The following PDXDC1 variants were observed in gnomAD, a reference collection of about 807,000 sequenced individuals.
PDXDC1 encodes pyridoxal dependent decarboxylase domain containing 1, also known as pyridoxal-dependent decarboxylase domain-containing protein 1.
A neutral mutation model predicts 100.1 loss-of-function variants in PDXDC1; 42 were observed. The observed-to-expected ratio is 0.42, with a 90% CI of 0.33 to 0.54. PDXDC1 has a LOEUF of 0.54. Ranked by LOEUF, PDXDC1 falls within the 20% of genes least tolerant of loss-of-function variation. PDXDC1 has a pLI of 0.10. For synonymous variants in PDXDC1, 260 were observed against 371.7 expected, an observed-to-expected ratio of 0.70 and a Z score of 3.46; for missense variants, 636 against 979.2, an observed-to-expected ratio of 0.65 and a Z score of 4.68.
At chr16:15,043,622 C>T (rs1193188881) in intron 16 of PDXDC1, among the ~76,000 whole-genome samples, 3 of 136,892 alleles carry the variant, frequency 2.2e-5, no homozygotes, top group Non-Finnish European at 4.9e-5. Context: ...AGTCAACACA[C>T]GACAATGTTT....
Position 14,975,051 on chromosome 16 carries a change from C to CCG in PDXDC1, c.-149_-148insCG. 4 of 1,502,114 alleles carry CCG rather than the reference C, an allele frequency of 2.7e-6. No homozygotes were observed. The East Asian group carries it at 1.0e-4, about 38-fold the overall frequency. 93.0% of individuals were successfully genotyped at this position (1,502,114 alleles called of 1,614,324 possible). ...CTCTCAACCATCAGGTTCGGCAGCC[C>CCG]GCGGCGCCGCCTGGCAGCTCCTCCT... On this transcript the variant is annotated 5_prime_UTR_variant, in exon 1 of 23. Coordinates refer to ENST00000396410, the MANE Select transcript of PDXDC1 (RefSeq NM_015027.4).
At chr16:14,984,559 G>A (rs113195031) in intron 1 of PDXDC1, among the ~76,000 whole-genome samples, 2 of 147,882 alleles carry the variant, frequency 1.4e-5, no homozygotes, top group Non-Finnish European at 3.0e-5. Flanking sequence ...GTGCAATGGC[G>A]CCATCTCGGT....
At chr16:15,047,378 G>A in intron 16 of PDXDC1, 3 of 1,071,570 alleles carry the variant, frequency 2.8e-6, no homozygotes, top group Middle Eastern at 2.0e-4. Flanking sequence ...AGCTTCCACA[G>A]CCACGTCCTG....
intron 16 of PDXDC1, among the ~76,000 whole-genome samples, chr16:15,058,292 CA>C (rs201277951): frequency 4.2e-5 from 6 of 144,530 alleles, no homozygotes; most frequent in Non-Finnish European, 6.1e-5. Context: ...AAGACCGTCT[CA>C]AAAAAAAAAG....
At chr16:15,070,559 A>G (rs1392403357) in intron 16 of PDXDC1, among the ~76,000 whole-genome samples, 1 of 152,120 alleles carries the variant, frequency 6.6e-6, no homozygotes, top group Non-Finnish European at 1.5e-5. Flanking sequence ...TCTTAAGGTG[A>G]TTGGCCAAAC....
intron 16 of PDXDC1, chr16:15,076,483 C>G: frequency 1.0e-6 from 1 of 1,004,416 alleles, no homozygotes. Flanking sequence ...AAAGCCTTAA[C>G]AAAGATGAGC....
At chr16:15,128,867 G>A (rs1344883459) in intron 16 of PDXDC1, among the ~76,000 whole-genome samples, 8 of 148,932 alleles carry the variant, frequency 5.4e-5, no homozygotes, top group South Asian at 2.2e-4. Flanking sequence ...GTGCAGTGGC[G>A]CAATCTCAGC....
chr16:15,031,592 G>T, intron 16 of PDXDC1, 143 bp from the exon 17 acceptor site: 1 of 625,354 alleles, frequency 1.6e-6, no homozygotes. Flanking sequence ...TGTGTTGAGG[G>T]CCTTTTTTTG....
intron 16 of PDXDC1, chr16:15,047,443 T>C (rs1055516709): frequency 1.9e-6 from 3 of 1,585,658 alleles, no homozygotes; most frequent in South Asian, 2.2e-5. Flanking sequence ...AGATCTCACC[T>C]TCCACATTGA....
chr16:15,091,447 C>T, intron 16 of PDXDC1: 2 of 922,696 alleles, frequency 2.2e-6, no homozygotes, highest in African/African-American at 1.7e-5. Context: ...TTTAACCGTA[C>T]TTTAACATCA....
chr16:15,094,084 C>T (rs2046251995), intron 16 of PDXDC1: 1 of 1,453,540 alleles, frequency 6.9e-7, no homozygotes, highest in African/African-American at 1.4e-5. Context: ...CAATCCGCTC[C>T]TCTAAGCGCC....
At chr16:15,074,921 G>T (rs1597923315) in intron 16 of PDXDC1, 1 of 1,491,352 alleles carries the variant, frequency 6.7e-7, no homozygotes, top group Non-Finnish European at 9.1e-7. Flanking sequence ...TGGTTTAGTA[G>T]GAAAACTGTC....
intron 16 of PDXDC1, chr16:15,104,748 G>A (rs751923977): frequency 5.1e-5 from 81 of 1,596,846 alleles, no homozygotes; most frequent in Admixed American, 1.5e-4. Context: ...CTCCGCTGCC[G>A]CCATTCTGAC....
chr16:15,071,014 C>T, intron 16 of PDXDC1: 2 of 993,856 alleles, frequency 2.0e-6, no homozygotes, highest in Non-Finnish European at 3.0e-6. Flanking sequence ...ATTTTATTCA[C>T]TTTAAAAACA....
intron 16 of PDXDC1, among the ~76,000 whole-genome samples, chr16:15,132,371 A>G (rs1285822475): frequency 2.2e-4 from 2 of 9,112 alleles, no homozygotes; most frequent in Non-Finnish European, 2.9e-4. Flanking sequence ...GGGCAAGGGG[A>G]GGGAGGGGGA....
intron 16 of PDXDC1, among the ~76,000 whole-genome samples, chr16:15,075,313 TA>T (rs1268277642): frequency 4.7e-5 from 7 of 148,810 alleles, no homozygotes; most frequent in African/African-American, 1.7e-4. Context: ...GGCTCACGCC[TA>T]TAATTACCAA....
intron 8 of PDXDC1, among the ~76,000 whole-genome samples, chr16:15,013,874 C>A (rs1344155184): frequency 2.4e-4 from 33 of 135,948 alleles, no homozygotes; most frequent in East Asian, 1.6e-3. Context: ...GTCTCTGTCT[C>A]AAAAAAAAAA....
At chr16:15,044,314 GAA>G in intron 16 of PDXDC1, 4 of 1,434,718 alleles carry the variant, frequency 2.8e-6, no homozygotes, top group South Asian at 1.2e-5. Context: ...TTGGGGGAAA[GAA>G]AAAAAAAATG....
At chr16:15,022,975 A>G (rs573041847) in intron 13 of PDXDC1, among the ~76,000 whole-genome samples, 30 of 152,380 alleles carry the variant, frequency 2.0e-4, no homozygotes, top group Middle Eastern at 3.4e-3. Context: ...GAACCATACA[A>G]TGTTTAATTC....
Sources: allele counts gnomAD v4.1 joint callset (sites outside exome capture counted in the v4.1 genomes callset), GRCh38; gene constraint gnomAD v4.1.1; transcripts MANE v1.5; gene names NCBI Gene and HGNC (gene_info 2026-07-23, HGNC 2026-07-21).